MCIDAS: variants seen among roughly 807,000 people sequenced by gnomAD.
MCIDAS encodes multiciliate differentiation and DNA synthesis associated cell cycle protein.
Under a neutral mutation model 35.4 loss-of-function variants are expected in MCIDAS, and 23 were observed. The ratio of observed to expected loss-of-function variants is 0.65; its 90% CI spans 0.47 to 0.92. The LOEUF (loss-of-function observed/expected upper bound fraction) is 0.92, where lower values mean the gene tolerates loss of function less well. MCIDAS is among the 40% of genes least tolerant of loss of function. The pLI is 0.00. For missense variants in MCIDAS, 480 were observed against 531.8 expected (o/e 0.90, Z 0.96); for synonymous variants, 228 against 235.2 (o/e 0.97, Z 0.28).
At position 55,223,577 on chromosome 5, in the gene MCIDAS, C is replaced by G. The variant is rs1465528611; in HGVS notation, c.310-554G>C. 1.3e-5 allele frequency among the ~76,000 whole-genome samples: 2 copies of G among 152,198 alleles called. No homozygotes were observed. Among genetic ancestry groups the G allele is most frequent in the East Asian group, 3.9e-4 (2 of 5,192 alleles). The stretch of plus-strand genomic sequence containing the variant: ...CTCCGACTCACCAGCGACCGGCCAC[C>G]GAGCCGCCGCTGTAGGAGCTGAGAG... On this transcript the variant is annotated intron_variant, in intron 3 of 6. Coordinates refer to ENST00000513312, the MANE Select transcript of MCIDAS (RefSeq NM_001190787.3). The surrounding 1 kb of genome is among the most constrained non-coding windows in gnomAD (Gnocchi z 4.4).
In MCIDAS at chr5:55,221,138, G is replaced by A. The variant is rs749001738; in HGVS notation, c.607-12C>T. 58 of 1,531,202 alleles carry A rather than the reference G, an allele frequency of 3.8e-5. No homozygotes were observed. Among genetic ancestry groups the A allele is most frequent in the Non-Finnish European group, 4.8e-5 (55 of 1,142,602 alleles). 94.9% of individuals were successfully genotyped at this position (1,531,202 alleles called of 1,614,324 possible). A position where few individuals can be genotyped will look rare whatever the true frequency, so the allele number is the denominator to read the frequency against. ...AATGTCACGTGCAGCTGCAGGAGGA[G>A]ACCCAAACATTCAGGGGTAGGTACT... On this transcript the variant is annotated splice_polypyrimidine_tract_variant and intron_variant, in intron 5 of 6. Transcript: ENST00000513312.
chr5:55,221,665 C>A (rs1023674892), intron 5 of MCIDAS, among the ~76,000 whole-genome samples: 4 of 152,126 alleles, frequency 2.6e-5, no homozygotes, highest in African/African-American at 9.7e-5. Context: ...GTGGCTCACG[C>A]CCATAATCTC....
chr5:55,227,026 T>C lies in MCIDAS; in HGVS notation c.113A>G (p.Glu38Gly), dbSNP rs764324239. Residue 38 changes from glutamate (E) to glycine (G), a missense_variant, in exon 1 of 7, where the codon GAG becomes GGG. By Grantham distance (98) the Glu-to-Gly change is moderately conservative. Coordinates refer to ENST00000513312, the MANE Select transcript of MCIDAS (RefSeq NM_001190787.3). ...RALLCKPGKPERKFAPPRKFF... is the reference protein window; with the variant it reads ...RALLCKPGKPGRKFAPPRKFF... ...CCGAATCAACCGCCCCACCTTCCTC[T>C]CCGGCTTCCCCGGCTTGCAGAGCAG... 6.6e-7 allele frequency: 1 copy of C among 1,519,904 alleles called. No individual in the cohort carries two copies. The highest frequency in any genetic ancestry group is 1.4e-5 in the African/African-American group (1 of 70,366). The allele number at this position is 1,519,904 out of a possible 1,614,324, so 94.2% of individuals were successfully genotyped here. A position where few individuals can be genotyped will look rare whatever the true frequency, so the allele number is the denominator to read the frequency against.
At position 55,219,611 on chromosome 5, in the gene MCIDAS, A is replaced by AT. The variant is rs1360300780; in HGVS notation, c.*754dup. The AT allele has an allele frequency of 6.6e-6, 1 of 150,850 alleles. No individual in the cohort carries two copies. The highest frequency in any genetic ancestry group is 1.5e-5 in the Non-Finnish European group (1 of 67,906). The allele number at this position is 150,850 out of a possible 1,614,324, so 9.3% of individuals were successfully genotyped here. A position where few individuals can be genotyped will look rare whatever the true frequency, so the allele number is the denominator to read the frequency against. On this transcript the variant is annotated 3_prime_UTR_variant, in exon 7 of 7. Coordinates refer to ENST00000513312, the MANE Select transcript of MCIDAS (RefSeq NM_001190787.3). ...TTTCTTAAAACAATATATATTTCTC[A>AT]TTAACACTGTTTGCTTATAGGTGGT...
chr5:55,219,638 A>G lies in MCIDAS; in HGVS notation c.*728T>C, dbSNP rs959578778. 6.6e-6 allele frequency: 1 copy of G among 151,504 alleles called. No individual in the cohort carries two copies. Among genetic ancestry groups the G allele is most frequent in the Non-Finnish European group, 1.5e-5 (1 of 67,940 alleles). 9.4% of individuals were successfully genotyped at this position (151,504 alleles called of 1,614,324 possible). A position where few individuals can be genotyped will look rare whatever the true frequency, so the allele number is the denominator to read the frequency against. ...TAACACTGTTTGCTTATAGGTGGTT[A>G]TTCTATTTGCACAAATAGAACTGTA... On this transcript the variant is annotated 3_prime_UTR_variant, in exon 7 of 7. Transcript: ENST00000513312.
rs1358843622 is a variant in MCIDAS, at chr5:55,220,105, T to C, written c.*261A>G. 2 of 405,998 alleles carry C rather than the reference T, an allele frequency of 4.9e-6. No individual in the cohort carries two copies. Among genetic ancestry groups the C allele is most frequent in the Non-Finnish European group, 8.7e-6 (2 of 228,970 alleles). 25.1% of individuals were successfully genotyped at this position (405,998 alleles called of 1,614,324 possible). ...CCTTCCCTGCTCTAAAAATACATAA[T>C]TCAAAGCTGCTAAAAATAAATACTT... On this transcript the variant is annotated 3_prime_UTR_variant, in exon 7 of 7. Coordinates refer to ENST00000513312, the MANE Select transcript of MCIDAS (RefSeq NM_001190787.3).
rs1463820536 is a variant in MCIDAS, at chr5:55,221,079, C to T, written c.654G>A (p.Lys218=). ...GTTCCTTCAGCTGCACGTTCCGCTCCTTGAGCGAGGCGATCTCCTCCTGTT... is the reference window on the plus strand; with the variant it reads ...GTTCCTTCAGCTGCACGTTCCGCTCTTTGAGCGAGGCGATCTCCTCCTGTT... ...TQKQEEIASL[K]ERNVQLKELA... The change falls in exon 6 of 7, where the codon AAG becomes AAA. Residue 218 remains lysine (K), a synonymous_variant. Transcript: ENST00000513312. 6.5e-7 allele frequency: 1 copy of T among 1,536,112 alleles called. No individual in the cohort carries two copies. The highest frequency in any genetic ancestry group is 8.7e-7 in the Non-Finnish European group (1 of 1,146,900).
intron 4 of MCIDAS, 62 bp downstream of exon 4, chr5:55,222,889 A>T: frequency 1.4e-5 from 20 of 1,409,294 alleles, no homozygotes; most frequent in Non-Finnish European, 1.9e-5. Context: ...AATCTGAACT[A>T]GTCTGATTTG....
rs1475929420 is a variant in MCIDAS, at chr5:55,220,565, T to C, written c.959A>G (p.His320Arg). The C allele has an allele frequency of 3.9e-6, 6 of 1,535,942 alleles. No individual in the cohort carries two copies. Among genetic ancestry groups the C allele is most frequent in the Non-Finnish European group, 3.5e-6 (4 of 1,146,856 alleles). ...ANTDTRPGNL[H>R]GAFRGLRTDC... Reference sequence around the variant, plus strand: ...TGTGCGCAGCCCCCGGAAGGCGCCATGCAGGTTCCCGGGCCTGGTGTCAGT... The same window carrying C: ...TGTGCGCAGCCCCCGGAAGGCGCCACGCAGGTTCCCGGGCCTGGTGTCAGT... The change falls in exon 7 of 7, where the codon CAT becomes CGT. Residue 320 changes from histidine (H) to arginine (R), a missense_variant. Coordinates refer to ENST00000513312, the MANE Select transcript of MCIDAS (RefSeq NM_001190787.3).
In MCIDAS at chr5:55,223,799, C is replaced by A. The variant is rs973333465; in HGVS notation, c.310-776G>T. On this transcript the variant is annotated intron_variant, in intron 3 of 6. Coordinates refer to ENST00000513312, the MANE Select transcript of MCIDAS (RefSeq NM_001190787.3). The surrounding 1 kb of genome is among the most constrained non-coding windows in gnomAD (Gnocchi z 4.4). ...GCTTCTGTTCTGCGCACAGCCAGTG[C>A]GGCCTCCATTGCTCTTTCAGTTTCC... Among the ~76,000 whole-genome samples, 2 of 152,188 alleles carry A rather than the reference C, an allele frequency of 1.3e-5. No homozygotes were observed. Among genetic ancestry groups the A allele is most frequent in the Non-Finnish European group, 2.9e-5 (2 of 68,042 alleles).
chr5:55,220,473 G>T lies in MCIDAS; in HGVS notation c.1051C>A (p.Arg351Ser). 1.3e-6 allele frequency: 2 copies of T among 1,536,002 alleles called. No homozygotes were observed. The highest frequency in any genetic ancestry group is 1.7e-6 in the Non-Finnish European group (2 of 1,146,894). The change falls in exon 7 of 7, where the codon CGC becomes AGC. Residue 351 changes from arginine to serine, a missense_variant. By Grantham distance (110) the Arg-to-Ser change is moderately radical. Coordinates refer to ENST00000513312, the MANE Select transcript of MCIDAS (RefSeq NM_001190787.3). Reference protein sequence around the residue: ...ELEEGGSFSTRIRSHSTIRTL... With the variant: ...ELEEGGSFSTSIRSHSTIRTL... ...CGGATGGTGCTGTGGCTGCGGATGC[G>T]GGTGCTGAAGGAGCCGCCCTCCTCC... is the stretch of plus-strand genomic sequence containing the variant.
Position 55,226,908 on chromosome 5 carries a change from G to A in MCIDAS, c.144C>T (p.Phe48=), listed in dbSNP as rs1014552272. The A allele has an allele frequency of 5.0e-5, 71 of 1,426,158 alleles. No homozygotes were observed. The highest frequency in any genetic ancestry group is 1.6e-4 in the African/African-American group (11 of 66,732). The allele number at this position is 1,426,158 out of a possible 1,614,324, so 88.3% of individuals were successfully genotyped here. ...ERKFAPPRKF[F]PGCTGGSPVS... is the part of the protein sequence containing the mutation. ...CCGGGCTCCCGCCTGTGCATCCGGG[G>A]AAGAACTTCCGCGGAGGAGCGAACT... The change falls in exon 2 of 7, where the codon TTC becomes TTT. Residue 48 remains phenylalanine, a synonymous_variant. Coordinates refer to ENST00000513312, the MANE Select transcript of MCIDAS (RefSeq NM_001190787.3).
chr5:55,227,108 G>A lies in MCIDAS; in HGVS notation c.31C>T (p.Arg11Cys). The change falls in exon 1 of 7, where the codon CGT (arginine) becomes TGT (cysteine). Residue 11 changes from arginine to cysteine, a missense_variant. Transcript: ENST00000513312. ...GGGCAGATGCTGTCGAAGGCCCGAC[G>A]GCCGGCCGCGCCGCCCCCGCACGCC... MQACGGGAAG[R>C]RAFDSICPNR... 6.7e-7 allele frequency: 1 copy of A among 1,487,436 alleles called. No individual in the cohort carries two copies. Among genetic ancestry groups the A allele is most frequent in the Admixed American group, 2.2e-5 (1 of 44,828 alleles). 92.1% of individuals were successfully genotyped at this position (1,487,436 alleles called of 1,614,324 possible).
In MCIDAS at chr5:55,226,835, C is replaced by T; in HGVS notation, c.217G>A (p.Ala73Thr). ...GTAGCGTGGGTGCCACGGGGCTCAC[C>T]TGGCAGCGCTGTGGGCTCGGCGTCC... ...PPDAEPTALP[A>T]LTTIDLQDLA... Residue 73 changes from alanine to threonine, a missense_variant and splice_region_variant, in exon 2 of 7, where the codon GCC (alanine) becomes ACC (threonine). By Grantham distance (58) the Ala-to-Thr change is moderately conservative. Transcript: ENST00000513312. 3 of 1,389,826 alleles carry T rather than the reference C, an allele frequency of 2.2e-6. No homozygotes were observed. 86.1% of individuals were successfully genotyped at this position (1,389,826 alleles called of 1,614,324 possible).
At chr5:55,225,375 G>A (rs1303323988) in intron 3 of MCIDAS, among the ~76,000 whole-genome samples, 3 of 152,210 alleles carry the variant, frequency 2.0e-5, no homozygotes, top group African/African-American at 7.2e-5. Context: ...AGAGCTGCTT[G>A]GGTTTTGTTA....
Position 55,227,102 on chromosome 5 carries a change from C to T in MCIDAS, c.37G>A (p.Ala13Thr). The change falls in exon 1 of 7, where the codon GCC (alanine) becomes ACC (threonine). Residue 13 changes from alanine to threonine, a missense_variant. Ala to Thr is a moderately conservative substitution (Grantham distance 58). Transcript: ENST00000513312. ...ACGGGAAGRR[A>T]FDSICPNRML... ...CTGTTGGGGCAGATGCTGTCGAAGG[C>T]CCGACGGCCGGCCGCGCCGCCCCCG... 1 of 1,495,694 alleles carries T rather than the reference C, an allele frequency of 6.7e-7. No homozygotes were observed. Among genetic ancestry groups the T allele is most frequent in the Non-Finnish European group, 8.8e-7 (1 of 1,130,266 alleles). The allele number at this position is 1,495,694 out of a possible 1,614,324, so 92.7% of individuals were successfully genotyped here.
rs1170072050 is a variant in MCIDAS at position 55,227,248 on chromosome 5, A to C, written c.-110T>G. On this transcript the variant is annotated 5_prime_UTR_variant, in exon 1 of 7. Transcript: ENST00000513312. Reference sequence around the variant, plus strand: ...GCCTGCAGGCTCCGAAGCCAGCCAGAGGTTGGGGCAGGCGCGTGACCGAGA... The same window carrying C: ...GCCTGCAGGCTCCGAAGCCAGCCAGCGGTTGGGGCAGGCGCGTGACCGAGA... 7.6e-7 allele frequency: 1 copy of C among 1,319,624 alleles called. No individual in the cohort carries two copies. Among genetic ancestry groups the C allele is most frequent in the African/African-American group, 1.6e-5 (1 of 64,222 alleles). The allele number at this position is 1,319,624 out of a possible 1,614,324, so 81.7% of individuals were successfully genotyped here.
At chr5:55,220,865 C>A (rs1745342761) in intron 6 of MCIDAS, 59 bp from the exon 7 acceptor site, 2 of 1,488,178 alleles carry the variant, frequency 1.3e-6, no homozygotes, top group East Asian at 2.5e-5. Flanking sequence ...GGGTTCGGAG[C>A]GTGCAAAAGG....
At position 55,223,075 on chromosome 5, in the gene MCIDAS, C is replaced by T. The variant is rs1434600358; in HGVS notation, c.310-52G>A. 6 of 1,440,538 alleles carry T rather than the reference C, an allele frequency of 4.2e-6. No homozygotes were observed. The highest frequency in any genetic ancestry group is 5.7e-6 in the Non-Finnish European group (6 of 1,060,728). The allele number at this position is 1,440,538 out of a possible 1,614,324, so 89.2% of individuals were successfully genotyped here. ...GTTAACGAGTCTGGCGTTAGAAAGC[C>T]TTCAATAAATATTGGCGTCCCTGTT... is the stretch of plus-strand genomic sequence containing the variant. On this transcript the variant is annotated intron_variant, in intron 3 of 6. Transcript: ENST00000513312. This position sits in a 1 kb window ranked among gnomAD's most constrained non-coding sequence, Gnocchi z 4.4.
Sources: gnomAD v4.1 joint callset for allele counts (sites outside exome capture counted in the v4.1 genomes callset) on GRCh38, gnomAD v4.1.1 for gene constraint, Gnocchi (gnomAD v3.1) non-coding constraint, MANE v1.5 for transcripts, NCBI Gene and HGNC (gene_info 2026-07-23, HGNC 2026-07-21) for gene names.